SFMBT1: variants seen among roughly 807,000 people sequenced by gnomAD.
The protein encoded by SFMBT1 is Scm like with four mbt domains 1, also known as scm-like with four MBT domains protein 1.
Under a neutral mutation model 108.7 loss-of-function variants are expected in SFMBT1, and 32 were observed. The observed-to-expected ratio is 0.29, with a 90% CI of 0.22 to 0.40. The LOEUF (loss-of-function observed/expected upper bound fraction) is 0.40, where lower values mean the gene tolerates loss of function less well. SFMBT1 is among the 10% of genes least tolerant of loss of function. The pLI, the probability that SFMBT1 is intolerant of heterozygous loss-of-function variation, is 1.00. For missense variants in SFMBT1, 816 were observed against 1,059.6 expected (o/e 0.77, Z 3.19); for synonymous variants, 348 against 369.5 (o/e 0.94, Z 0.67).
At chr3:52,910,160 C>T (rs1702181696) in intron 17 of SFMBT1, among the ~76,000 whole-genome samples, 1 of 152,076 alleles carries the variant, frequency 6.6e-6, no homozygotes. Context: ...TTCACTGTTC[C>T]CCACAGTATT....
chr3:52,995,335 T>G (rs1698286054), intron 1 of SFMBT1, among the ~76,000 whole-genome samples: 1 of 150,358 alleles, frequency 6.7e-6, no homozygotes, highest in African/African-American at 2.4e-5. Context: ...GCCAATATTT[T>G]TTAATATCCA....
intron 1 of SFMBT1, among the ~76,000 whole-genome samples, chr3:53,030,572 G>A (rs371865103): frequency 6.6e-6 from 1 of 151,296 alleles, no homozygotes; most frequent in Non-Finnish European, 1.5e-5. Context: ...AAGTCTTTGT[G>A]GCACAATTTG....
At chr3:53,028,928 T>G (rs960216781) in intron 1 of SFMBT1, among the ~76,000 whole-genome samples, 3 of 151,962 alleles carry the variant, frequency 2.0e-5, no homozygotes, top group African/African-American at 7.2e-5. Context: ...ATCCCAGCAC[T>G]TTGGGAGGCC....
At chr3:53,030,479 GTGA>G (rs1485087309) in intron 1 of SFMBT1, among the ~76,000 whole-genome samples, 3 of 152,022 alleles carry the variant, frequency 2.0e-5, no homozygotes, top group Non-Finnish European at 2.9e-5. Context: ...ACTTAAGTCT[GTGA>G]TGATGATTTT....
chr3:52,972,417 T>C (rs1704376079), intron 1 of SFMBT1, among the ~76,000 whole-genome samples: 2 of 152,176 alleles, frequency 1.3e-5, no homozygotes, highest in South Asian at 4.1e-4. Flanking sequence ...CTGTTCACGC[T>C]CTCTCTTTAT....
At chr3:53,033,237 T>C (rs1391497619) in intron 1 of SFMBT1, among the ~76,000 whole-genome samples, 1 of 151,978 alleles carries the variant, frequency 6.6e-6, no homozygotes, top group Admixed American at 6.6e-5. Flanking sequence ...CTCGGCTCAC[T>C]GCAGTCTCCG....
chr3:52,919,828 A>G (rs9985365), intron 12 of SFMBT1, among the ~76,000 whole-genome samples: 93,540 of 152,110 alleles, frequency 0.61, 29,050 homozygotes, highest in South Asian at 0.8. Context: ...CCTCAGTCCA[A>G]GAGCCCACAA....
chr3:53,014,623 G>A (rs1190957462), intron 1 of SFMBT1, among the ~76,000 whole-genome samples: 1 of 152,224 alleles, frequency 6.6e-6, no homozygotes, highest in Non-Finnish European at 1.5e-5. Flanking sequence ...GAGACCAACA[G>A]TAGTACATCT....
At chr3:52,930,813 C>T in intron 7 of SFMBT1, 128 bp downstream of exon 7, 2 of 698,630 alleles carry the variant, frequency 2.9e-6, no homozygotes, top group Non-Finnish European at 5.0e-6. Context: ...AGCCTTAACA[C>T]ACCCTCCTCC....
At chr3:53,023,554 T>C (rs1328042104) in intron 1 of SFMBT1, among the ~76,000 whole-genome samples, 1 of 152,220 alleles carries the variant, frequency 6.6e-6, no homozygotes, top group Non-Finnish European at 1.5e-5. Flanking sequence ...TGTATGCTGG[T>C]ACTTAGTCCC....
rs534004796 is a variant in SFMBT1 at position 52,993,687 on chromosome 3, G to GA, written c.-130-24430dup. Among the ~76,000 whole-genome samples the GA allele has an allele frequency of 4.2e-4, 63 of 149,104 alleles. 7 individuals carry two copies. The highest frequency in any genetic ancestry group is 7.9e-4 in the Non-Finnish European group (53 of 66,678). On this transcript the variant is annotated intron_variant, in intron 1 of 20. Coordinates refer to ENST00000394752, the MANE Select transcript of SFMBT1 (RefSeq NM_016329.4). ...ATGCACTGACAGCCAAAAAAAAGGG[G>GA]AAAAAAATCCCATACAAAAATTGTG... is the stretch of plus-strand genomic sequence containing the variant.
intron 15 of SFMBT1, 52 bp from the exon 16 acceptor site, chr3:52,912,699 C>T: frequency 7.6e-7 from 1 of 1,322,244 alleles, no homozygotes. Flanking sequence ...AAAAGCAGAC[C>T]ATTAGAATCT....
chr3:52,976,527 A>T (rs1704525210), intron 1 of SFMBT1, among the ~76,000 whole-genome samples: 1 of 152,224 alleles, frequency 6.6e-6, no homozygotes, highest in Non-Finnish European at 1.5e-5. Context: ...TTCCAAAGAA[A>T]TTAAAAGAAA....
intron 4 of SFMBT1, among the ~76,000 whole-genome samples, chr3:52,941,159 A>G (rs1703168330): frequency 6.6e-6 from 1 of 152,252 alleles, no homozygotes; most frequent in South Asian, 2.1e-4. Context: ...TAGAATGAAC[A>G]TTGGGAAAAC....
rs551023872 is a variant in SFMBT1, at chr3:53,012,585, G to A, written c.-131+33231C>T. 6.6e-5 allele frequency among the ~76,000 whole-genome samples: 10 copies of A among 151,820 alleles called. 1 individual carries two copies. The highest frequency in any genetic ancestry group is 2.0e-4 in the Admixed American group (3 of 15,286). On this transcript the variant is annotated intron_variant, in intron 1 of 20. Coordinates refer to ENST00000394752, the MANE Select transcript of SFMBT1 (RefSeq NM_016329.4). ...GCCCGGCTAATTTTTTGTATTTTTAGTAGAGGCGGGGTTTCACTGTGTTAG... is the reference window on the plus strand; with the variant it reads ...GCCCGGCTAATTTTTTGTATTTTTAATAGAGGCGGGGTTTCACTGTGTTAG...
chr3:52,932,778 G>A (rs1296898678), intron 5 of SFMBT1, among the ~76,000 whole-genome samples: 1 of 152,096 alleles, frequency 6.6e-6, no homozygotes, highest in East Asian at 1.9e-4. Context: ...GGGCATGGTG[G>A]TAGGCACCTG....
At position 52,954,367 on chromosome 3, in the gene SFMBT1, A is replaced by C. The variant is rs189181874; in HGVS notation, c.73T>G (p.Tyr25Asp). The C allele has an allele frequency of 3.0e-5, 48 of 1,614,008 alleles. No individual in the cohort carries two copies. In the Admixed American group the frequency reaches 6.2e-4, roughly 21 times the overall value. The change falls in exon 3 of 21, where the codon TAT (tyrosine) becomes GAT (aspartate). Residue 25 changes from tyrosine (Y) to aspartate (D), a missense_variant. Tyr to Asp is a radical substitution (Grantham distance 160). Around this residue, in one of 5 missense-constraint regions of SFMBT1, gnomAD observed 495 missense variants for 607.4 expected, o/e 0.81. Transcript: ENST00000394752. ...MEEVELSWED[Y>D]LEETGSTAVP... is the part of the protein sequence containing the mutation. The stretch of plus-strand genomic sequence containing the variant: ...GCTGTGGACCCTGTTTCTTCTAGAT[A>C]ATCTTCCCAGCTTAATTCTACCTCT...
intron 1 of SFMBT1, among the ~76,000 whole-genome samples, chr3:53,029,162 A>G (rs1312200730): frequency 7.6e-6 from 1 of 131,812 alleles, no homozygotes; most frequent in East Asian, 2.1e-4. Context: ...ACAGAGCGAG[A>G]CTCCGTCTCA....
In SFMBT1 at chr3:53,006,875, A is replaced by G. The variant is rs141242910; in HGVS notation, c.-130-37617T>C. 2.1e-4 allele frequency among the ~76,000 whole-genome samples: 32 copies of G among 152,332 alleles called. 1 individual carries two copies. The highest frequency in any genetic ancestry group is 1.9e-3 in the East Asian group (10 of 5,182). ...TAAAGTAGAACATTTGCTATATTTC[A>G]CAAGTGAGGAATTGCTGCTCCGGGC... On this transcript the variant is annotated intron_variant, in intron 1 of 20. Coordinates refer to ENST00000394752, the MANE Select transcript of SFMBT1 (RefSeq NM_016329.4).
Sources: gnomAD v4.1 joint callset for allele counts (sites outside exome capture counted in the v4.1 genomes callset) on GRCh38, gnomAD v4.1.1 for gene constraint, gnomAD v4.1.1 regional missense constraint, MANE v1.5 for transcripts, NCBI Gene and HGNC (gene_info 2026-07-23, HGNC 2026-07-21) for gene names.